Variants in NUMB observed in about 807,000 individuals in gnomAD.
NUMB encodes the protein protein numb homolog.
Under a neutral mutation model 59.7 loss-of-function variants are expected in NUMB, and 29 were observed. The ratio of observed to expected loss-of-function variants is 0.49; its 90% CI spans 0.36 to 0.66. The LOEUF (loss-of-function observed/expected upper bound fraction) is 0.66, where lower values mean the gene tolerates loss of function less well. Among genes scored for constraint, NUMB ranks in the 30% least tolerant of loss-of-function variants. The pLI is 0.00. For missense variants in NUMB, 723 were observed against 822.0 expected (o/e 0.88, Z 1.47); for synonymous variants, 288 against 288.2 (o/e 1.00, Z 0.01).
chr14:73,371,034 C>T (rs1012508609), intron 2 of NUMB, among the ~76,000 whole-genome samples: 5 of 52,732 alleles, frequency 9.5e-5, no homozygotes, highest in African/African-American at 8.2e-4. Flanking sequence ...CCTGGACTCC[C>T]ATTCTCGGCC....
At chr14:73,364,673 G>T (rs550763065) in intron 3 of NUMB, among the ~76,000 whole-genome samples, 1 of 152,108 alleles carries the variant, frequency 6.6e-6, no homozygotes, top group Non-Finnish European at 1.5e-5. Context: ...TGTTGTCCAG[G>T]CTACAGTGCA....
intron 2 of NUMB, among the ~76,000 whole-genome samples, chr14:73,405,293 C>T (rs1234303936): frequency 6.6e-6 from 1 of 152,100 alleles, no homozygotes; most frequent in Non-Finnish European, 1.5e-5. Flanking sequence ...CTGAACTCAA[C>T]ACAACCTAAA....
intron 1 of NUMB, among the ~76,000 whole-genome samples, chr14:73,421,309 C>T (rs1241957577): frequency 2.2e-4 from 33 of 151,992 alleles, no homozygotes; most frequent in African/African-American, 7.5e-4. Context: ...CTCAGCCTCC[C>T]GAGTATCTGG....
chr14:73,331,818 G>T (rs1489711284), intron 4 of NUMB, among the ~76,000 whole-genome samples: 1 of 152,104 alleles, frequency 6.6e-6, no homozygotes, highest in East Asian at 1.9e-4. Context: ...CTTCTGCCAC[G>T]ATTGCAAGTT....
intron 2 of NUMB, among the ~76,000 whole-genome samples, chr14:73,407,858 C>T (rs1010423714): frequency 1.3e-5 from 2 of 152,134 alleles, no homozygotes; most frequent in African/African-American, 4.8e-5. Context: ...TCAAACCTGC[C>T]ACAGGCAGTT....
rs144913219 is a variant in NUMB, at chr14:73,277,177, C to G, written c.1357G>C (p.Ala453Pro). The G allele has an allele frequency of 5.6e-6, 9 of 1,613,926 alleles. No homozygotes were observed. Among genetic ancestry groups the G allele is most frequent in the Non-Finnish European group, 7.6e-6 (9 of 1,179,996 alleles). The change falls in exon 13 of 13, where the codon GCT becomes CCT. Residue 453 changes from alanine to proline, a missense_variant. Coordinates refer to ENST00000555238, the MANE Select transcript of NUMB (RefSeq NM_001005743.2). Reference protein sequence around the residue: ...WLEEVSKSVRAQQPQASAAPL... With the variant: ...WLEEVSKSVRPQQPQASAAPL... ...GCAGCTGAGGCCTGGGGCTGCTGAG[C>G]CCGGACGCTCTTAGACACCTCTTCT...
intron 12 of NUMB, among the ~76,000 whole-genome samples, chr14:73,278,246 G>GT (rs1888336502): frequency 6.6e-6 from 1 of 152,010 alleles, no homozygotes; most frequent in African/African-American, 2.4e-5. Context: ...TTGAGGCCGG[G>GT]TGTGGTGGCT....
chr14:73,294,754 A>G (rs1399596419), intron 7 of NUMB, among the ~76,000 whole-genome samples: 1 of 147,086 alleles, frequency 6.8e-6, no homozygotes, highest in East Asian at 2.0e-4. Context: ...ACTGGACTCA[A>G]GTGATCCACC....
chr14:73,372,302 C>CTTTT (rs1189846308), intron 2 of NUMB, among the ~76,000 whole-genome samples: 1 of 30,506 alleles, frequency 3.3e-5, no homozygotes, highest in African/African-American at 1.7e-4. Flanking sequence ...ATATATATTT[C>CTTTT]TTTTATATAT....
intron 2 of NUMB, among the ~76,000 whole-genome samples, chr14:73,391,051 AAT>A (rs60178112): frequency 0.16 from 23,711 of 146,246 alleles, 2,657 homozygotes; most frequent in Non-Finnish European, 0.24. Context: ...TATTTTTGAA[AAT>A]AGAGGTTGAA....
intron 4 of NUMB, among the ~76,000 whole-genome samples, chr14:73,328,841 T>C (rs1289902855): frequency 6.6e-6 from 1 of 152,196 alleles, no homozygotes; most frequent in Non-Finnish European, 1.5e-5. Context: ...TTTGCAAATG[T>C]TTTTTCCTAG....
intron 7 of NUMB, among the ~76,000 whole-genome samples, chr14:73,295,883 T>C (rs910002781): frequency 1.6e-4 from 25 of 152,212 alleles, no homozygotes; most frequent in Non-Finnish European, 3.4e-4. Flanking sequence ...ATGGTACCTA[T>C]GATTTGAGAT....
intron 6 of NUMB, among the ~76,000 whole-genome samples, chr14:73,313,149 G>C (rs923988269): frequency 1.3e-5 from 2 of 151,992 alleles, no homozygotes; most frequent in African/African-American, 4.8e-5. Flanking sequence ...ACCATGCCCA[G>C]CTAATTTTTT....
At chr14:73,384,056 A>G (rs1217448414) in intron 2 of NUMB, among the ~76,000 whole-genome samples, 1 of 152,076 alleles carries the variant, frequency 6.6e-6, no homozygotes. Context: ...TGAAGTCAGA[A>G]GGCAATAAAA....
chr14:73,368,741 G>A (rs955743931), intron 2 of NUMB, among the ~76,000 whole-genome samples: 3 of 152,066 alleles, frequency 2.0e-5, no homozygotes, highest in Non-Finnish European at 4.4e-5. Context: ...TCATAATCAA[G>A]AAAAGGAATA....
At chr14:73,352,363 C>T (rs1487001106) in intron 4 of NUMB, among the ~76,000 whole-genome samples, 1 of 148,368 alleles carries the variant, frequency 6.7e-6, no homozygotes, top group Non-Finnish European at 1.5e-5. Flanking sequence ...AAGTTTTTTT[C>T]TTACATGTTC....
Position 73,276,949 on chromosome 14 carries a change from T to C in NUMB, c.1585A>G (p.Ile529Val), listed in dbSNP as rs202056810. 4 of 1,614,156 alleles carry C rather than the reference T, an allele frequency of 2.5e-6. No homozygotes were observed. In the East Asian group the frequency reaches 6.7e-5, roughly 27 times the overall value. Residue 529 changes from isoleucine (I) to valine (V), a missense_variant, in exon 13 of 13, where the codon ATC (isoleucine) becomes GTC (valine). Ile to Val is a conservative substitution (Grantham distance 29, BLOSUM62 3). Transcript: ENST00000555238. ...YPAPNVPVVG[I>V]TPSQMVANVF... ...TTGGCCACCATCTGGGAGGGAGTGATGCCCACCACAGGCACATTAGGGGCT... is the reference window on the plus strand; with the variant it reads ...TTGGCCACCATCTGGGAGGGAGTGACGCCCACCACAGGCACATTAGGGGCT...
At chr14:73,413,746 C>T (rs569617674) in intron 1 of NUMB, among the ~76,000 whole-genome samples, 1 of 152,088 alleles carries the variant, frequency 6.6e-6, no homozygotes, top group Admixed American at 6.6e-5. Context: ...CTGCACTCTA[C>T]ACTCTAGCCC....
At chr14:73,443,682 G>A (rs1883250914) in intron 1 of NUMB, among the ~76,000 whole-genome samples, 1 of 151,620 alleles carries the variant, frequency 6.6e-6, no homozygotes, top group Non-Finnish European at 1.5e-5. Flanking sequence ...CTGGAGTCTT[G>A]CTCTGTCTCC....
Sources: allele counts gnomAD v4.1 joint callset (sites outside exome capture counted in the v4.1 genomes callset), GRCh38; gene constraint gnomAD v4.1.1; transcripts MANE v1.5; gene names NCBI Gene and HGNC (gene_info 2026-07-23, HGNC 2026-07-21).